DPP10: variants seen among roughly 807,000 people sequenced by gnomAD.
DPP10 encodes dipeptidyl peptidase like 10.
Under a neutral mutation model 120.9 loss-of-function variants are expected in DPP10, and 33 were observed. That is an observed-to-expected ratio of 0.27 (90% confidence interval 0.21 to 0.37). DPP10 has a LOEUF of 0.37. Among genes scored for constraint, DPP10 ranks in the 10% least tolerant of loss-of-function variants. The pLI, the probability that DPP10 is intolerant of heterozygous loss-of-function variation, is 1.00. For missense variants in DPP10, 816 were observed against 942.8 expected, an observed-to-expected ratio of 0.87 and a Z score of 1.76; for synonymous variants, 337 against 326.1, an observed-to-expected ratio of 1.03 and a Z score of -0.36.
chr2:114,575,827 G>A (rs1297701168), intron 1 of DPP10, among the ~76,000 whole-genome samples: 1 of 152,076 alleles, frequency 6.6e-6, no homozygotes. Flanking sequence ...TCAGGGAAAG[G>A]TAGGCAATGT....
chr2:114,902,882 G>T (rs982563368), intron 1 of DPP10, among the ~76,000 whole-genome samples: 1 of 152,062 alleles, frequency 6.6e-6, no homozygotes, highest in African/African-American at 2.4e-5. Flanking sequence ...AATGTGTAAT[G>T]ACATGCATCT....
At chr2:114,932,133 A>C (rs1349265224) in intron 1 of DPP10, among the ~76,000 whole-genome samples, 1 of 152,226 alleles carries the variant, frequency 6.6e-6, no homozygotes, top group African/African-American at 2.4e-5. Flanking sequence ...GAAACATCGG[A>C]AATGCAATTT....
At chr2:115,589,171 A>G (rs1378198184) in intron 5 of DPP10, among the ~76,000 whole-genome samples, 2 of 152,184 alleles carry the variant, frequency 1.3e-5, no homozygotes, top group African/African-American at 4.8e-5. Flanking sequence ...TTTAGTAACC[A>G]CGAAACTCCT....
intron 1 of DPP10, among the ~76,000 whole-genome samples, chr2:114,679,839 T>C (rs1254605089): frequency 1.3e-5 from 2 of 152,014 alleles, no homozygotes; most frequent in Non-Finnish European, 2.9e-5. Flanking sequence ...ATGGCAAACT[T>C]CTACTACAGT....
chr2:114,542,747 C>T (rs1161008865), intron 1 of DPP10, among the ~76,000 whole-genome samples: 2 of 152,186 alleles, frequency 1.3e-5, no homozygotes, highest in Admixed American at 6.5e-5. Flanking sequence ...AAATTCTTAG[C>T]ACAGATTCTC....
chr2:115,199,537 A>G (rs2055537925), intron 1 of DPP10, among the ~76,000 whole-genome samples: 1 of 152,176 alleles, frequency 6.6e-6, no homozygotes, highest in Non-Finnish European at 1.5e-5. Flanking sequence ...GAATGTAACA[A>G]ATTCCTGGGA....
At chr2:115,626,961 A>G (rs906842080) in intron 5 of DPP10, among the ~76,000 whole-genome samples, 1 of 152,196 alleles carries the variant, frequency 6.6e-6, no homozygotes, top group African/African-American at 2.4e-5. Flanking sequence ...TGCAACAAGA[A>G]AGAACAAATT....
At chr2:114,845,881 C>T (rs1425487035) in intron 1 of DPP10, among the ~76,000 whole-genome samples, 4 of 152,110 alleles carry the variant, frequency 2.6e-5, no homozygotes, top group African/African-American at 9.7e-5. Flanking sequence ...CCACTTAAAC[C>T]TCTTTATTTC....
At chr2:115,397,889 C>T (rs1242297000) in intron 3 of DPP10, among the ~76,000 whole-genome samples, 1 of 152,188 alleles carries the variant, frequency 6.6e-6, no homozygotes, top group African/African-American at 2.4e-5. Context: ...GACCAATGCT[C>T]CTTGTCTCTG....
At chr2:115,565,265 T>C (rs1270676580) in intron 5 of DPP10, among the ~76,000 whole-genome samples, 1 of 152,188 alleles carries the variant, frequency 6.6e-6, no homozygotes, top group African/African-American at 2.4e-5. Flanking sequence ...TTTAATGAAA[T>C]ACTATAAACC....
chr2:114,667,418 T>G (rs1573925954), intron 1 of DPP10, among the ~76,000 whole-genome samples: 1 of 152,192 alleles, frequency 6.6e-6, no homozygotes, highest in South Asian at 2.1e-4. Context: ...CTAACATGCC[T>G]TAACCAAGGG....
chr2:115,187,718 T>G (rs2054562521), intron 1 of DPP10, among the ~76,000 whole-genome samples: 1 of 152,038 alleles, frequency 6.6e-6, no homozygotes, highest in African/African-American at 2.4e-5. Context: ...CAAAGCTCAG[T>G]AGGCCTGGTG....
In DPP10 at chr2:115,823,249, T is replaced by C. The variant is rs1008046661; in HGVS notation, c.1950+7520T>C. On this transcript the variant is annotated intron_variant, in intron 21 of 25. Coordinates refer to ENST00000410059, the MANE Select transcript of DPP10 (RefSeq NM_020868.6). ...TTGTATTTATGTATTATGTTTTATTTTTAATTGTGTATGCTGAATTGGGAC... is the reference window on the plus strand; with the variant it reads ...TTGTATTTATGTATTATGTTTTATTCTTAATTGTGTATGCTGAATTGGGAC... Among the ~76,000 whole-genome samples the C allele has an allele frequency of 3.9e-4, 60 of 152,118 alleles. 1 individual carries two copies. Among genetic ancestry groups the C allele is most frequent in the Admixed American group, 2.4e-3 (36 of 15,252 alleles).
chr2:115,504,294 T>TG (rs397985562), intron 4 of DPP10, among the ~76,000 whole-genome samples: 8 of 150,462 alleles, frequency 5.3e-5, no homozygotes, highest in African/African-American at 1.9e-4. Context: ...TTTTTTTTTT[T>TG]ACTAGGAAGC....
chr2:114,878,369 T>C (rs527436303), intron 1 of DPP10, among the ~76,000 whole-genome samples: 7 of 152,120 alleles, frequency 4.6e-5, no homozygotes, highest in Non-Finnish European at 8.8e-5. Context: ...CAAAGTGTAA[T>C]AATCAAACCA....
At chr2:115,357,952 G>A (rs551736522) in intron 3 of DPP10, among the ~76,000 whole-genome samples, 9 of 152,206 alleles carry the variant, frequency 5.9e-5, no homozygotes, top group Admixed American at 4.6e-4. Flanking sequence ...CTGGGACACA[G>A]TACCGAGGCT....
chr2:114,906,382 CAA>C (rs1184226315), intron 1 of DPP10, among the ~76,000 whole-genome samples: 37 of 112,050 alleles, frequency 3.3e-4, no homozygotes, highest in African/African-American at 2.5e-4. Flanking sequence ...AGTTCTATCT[CAA>C]AAAAAAAAAA....
At chr2:114,726,421 C>T (rs1452071518) in intron 1 of DPP10, among the ~76,000 whole-genome samples, 2 of 152,056 alleles carry the variant, frequency 1.3e-5, no homozygotes, top group Non-Finnish European at 2.9e-5. Flanking sequence ...CACTTTTATT[C>T]GTTGTGGAAT....
At chr2:114,753,273 A>AG (rs1467715237) in intron 1 of DPP10, among the ~76,000 whole-genome samples, 5 of 152,198 alleles carry the variant, frequency 3.3e-5, no homozygotes, top group Non-Finnish European at 7.3e-5. Flanking sequence ...CTAATGTCCA[A>AG]GCTTGCCAAC....
Sources: gnomAD v4.1 joint callset for allele counts (sites outside exome capture counted in the v4.1 genomes callset) on GRCh38, gnomAD v4.1.1 for gene constraint, MANE v1.5 for transcripts, NCBI Gene and HGNC (gene_info 2026-07-23, HGNC 2026-07-21) for gene names.